The following ZNF487 variants were observed in gnomAD, a reference collection of about 807,000 sequenced individuals.
The protein encoded by ZNF487 is zinc finger protein 487.
A neutral mutation model predicts 3.0 loss-of-function variants in ZNF487; 4 were observed. That is an observed-to-expected ratio of 1.35 (90% CI 0.66 to 3.08). The LOEUF is 3.08. Ranked by LOEUF, ZNF487 falls within the 30% of genes most tolerant of loss-of-function variation. ZNF487 has a pLI of 0.01. For synonymous variants in ZNF487, 55 were observed against 34.6 expected (o/e 1.59, Z -2.06); for missense variants, 146 against 98.7 (o/e 1.48, Z -2.03).
intron 1 of ZNF487, among the ~76,000 whole-genome samples, chr10:43,447,416 A>G (rs1446216462): frequency 7.2e-5 from 11 of 151,922 alleles, no homozygotes; most frequent in Non-Finnish European, 1.5e-5. Context: ...TAATTTCTGT[A>G]TTTTTAGTAA....
chr10:43,481,958 C>T lies in ZNF487; in HGVS notation c.*36C>T, dbSNP rs1841380775. Reference sequence around the variant, plus strand: ...CATGTGAGAGCCTTTTCCGATAGACCAATATTCATTGTTCATCAGAGAACT... The same window carrying T: ...CATGTGAGAGCCTTTTCCGATAGACTAATATTCATTGTTCATCAGAGAACT... On this transcript the variant is annotated 3_prime_UTR_variant, in exon 4 of 4. Coordinates refer to ENST00000437590, the MANE Select transcript of ZNF487 (RefSeq NM_001355444.3). 3.3e-6 allele frequency: 2 copies of T among 607,962 alleles called. No homozygotes were observed. The highest frequency in any genetic ancestry group is 5.8e-6 in the Non-Finnish European group (2 of 343,568). The allele number at this position is 607,962 out of a possible 1,614,324, so 37.7% of individuals were successfully genotyped here. A position where few individuals can be genotyped will look rare whatever the true frequency, so the allele number is the denominator to read the frequency against.
chr10:43,458,626 T>G (rs1840307175), intron 1 of ZNF487, among the ~76,000 whole-genome samples: 1 of 152,000 alleles, frequency 6.6e-6, no homozygotes, highest in Non-Finnish European at 1.5e-5. Context: ...AAAAAACAGT[T>G]CTTGGCATTG....
At chr10:43,514,983 C>T in the ZNF487 span, among the ~76,000 whole-genome samples, 14 of 152,344 alleles carry the variant, frequency 9.2e-5, no homozygotes, top group East Asian at 2.5e-3. Context: ...AGCTTGCTCA[C>T]AGTGGATCAT....
At chr10:43,447,695 C>T (rs997325141) in intron 1 of ZNF487, among the ~76,000 whole-genome samples, 1 of 152,136 alleles carries the variant, frequency 6.6e-6, no homozygotes, top group Admixed American at 6.6e-5. Context: ...CAATACACTG[C>T]TGAGCTCTCA....
In ZNF487 at chr10:43,443,424, A is replaced by T. The variant is rs187170573; in HGVS notation, c.-94+6162A>T. 4.9e-3 allele frequency among the ~76,000 whole-genome samples: 704 copies of T among 144,766 alleles called. 7 individuals are homozygous for T. The highest frequency in any genetic ancestry group is 0.018 in the African/African-American group (680 of 38,792). The allele number at this position is 144,766 out of a possible 152,430, so 95.0% of individuals were successfully genotyped here. On this transcript the variant is annotated intron_variant, in intron 1 of 3. Coordinates refer to ENST00000437590, the MANE Select transcript of ZNF487 (RefSeq NM_001355444.3). ...AGTCTTGCTCTGTCACCCAGGCTGG[A>T]GTGCAATGGAGCAATCACGGCTCAC... is the stretch of plus-strand genomic sequence containing the variant.
chr10:43,458,960 T>C (rs1464843945), intron 1 of ZNF487, among the ~76,000 whole-genome samples: 1 of 152,114 alleles, frequency 6.6e-6, no homozygotes, highest in Non-Finnish European at 1.5e-5. Flanking sequence ...GGCAAGTATC[T>C]CCACATTTCC....
chr10:43,488,234 A>G, the ZNF487 span, among the ~76,000 whole-genome samples: 1 of 152,218 alleles, frequency 6.6e-6, no homozygotes, highest in Non-Finnish European at 1.5e-5. Flanking sequence ...GATAAATATC[A>G]AAATCCAAAT....
intron 1 of ZNF487, among the ~76,000 whole-genome samples, chr10:43,442,583 A>G (rs1261783441): frequency 6.6e-6 from 1 of 152,052 alleles, no homozygotes; most frequent in African/African-American, 2.4e-5. Flanking sequence ...AGCTGGGACT[A>G]CAGGCGCCTG....
chr10:43,490,344 C>A, the ZNF487 span, among the ~76,000 whole-genome samples: 2 of 151,710 alleles, frequency 1.3e-5, no homozygotes, highest in Non-Finnish European at 2.9e-5. Context: ...AGACCAAGAC[C>A]CTGCCTCAAA....
At chr10:43,510,964 A>G in the ZNF487 span, among the ~76,000 whole-genome samples, 1 of 152,104 alleles carries the variant, frequency 6.6e-6, no homozygotes, top group Non-Finnish European at 1.5e-5. Flanking sequence ...GTTCCTCCCT[A>G]TGGAACTAAG....
Position 43,482,593 on chromosome 10 carries a change from G to C in ZNF487, c.*671G>C, listed in dbSNP as rs753686776. The C allele has an allele frequency of 2.0e-6, 1 of 506,706 alleles. No individual in the cohort carries two copies. Among genetic ancestry groups the C allele is most frequent in the Non-Finnish European group, 4.0e-6 (1 of 248,330 alleles). The allele number at this position is 506,706 out of a possible 1,614,324, so 31.4% of individuals were successfully genotyped here. ...GAGAAACCCTATGGATGTAATGAATGTCAGAAAGCCTTTGGTGATAGGTCA... is the reference window on the plus strand; with the variant it reads ...GAGAAACCCTATGGATGTAATGAATCTCAGAAAGCCTTTGGTGATAGGTCA... On this transcript the variant is annotated 3_prime_UTR_variant, in exon 4 of 4. Coordinates refer to ENST00000437590, the MANE Select transcript of ZNF487 (RefSeq NM_001355444.3).
intron 3 of ZNF487, among the ~76,000 whole-genome samples, chr10:43,477,811 G>T (rs2132142282): frequency 6.6e-6 from 1 of 152,086 alleles, no homozygotes; most frequent in South Asian, 2.1e-4. Flanking sequence ...AATTAGCCGG[G>T]TGTGGTGGCG....
At chr10:43,444,389 G>A (rs1489544416) in intron 1 of ZNF487, among the ~76,000 whole-genome samples, 1 of 152,110 alleles carries the variant, frequency 6.6e-6, no homozygotes, top group African/African-American at 2.4e-5. Flanking sequence ...TCCATATCAT[G>A]TTTATTTATA....
chr10:43,473,109 C>CT (rs367584724), intron 1 of ZNF487, among the ~76,000 whole-genome samples: 12,320 of 134,642 alleles, frequency 0.092, 1,170 homozygotes, highest in African/African-American at 0.24. Flanking sequence ...TATTAGGACA[C>CT]TTTTTTTTTT....
chr10:43,513,694 G>T, the ZNF487 span, among the ~76,000 whole-genome samples: 4 of 152,202 alleles, frequency 2.6e-5, no homozygotes, highest in African/African-American at 9.7e-5. Flanking sequence ...AGTTCTGCCA[G>T]CTGCTAAGTA....
chr10:43,507,255 G>A, the ZNF487 span, among the ~76,000 whole-genome samples: 2 of 152,170 alleles, frequency 1.3e-5, no homozygotes, highest in African/African-American at 4.8e-5. Context: ...ACCATCACTG[G>A]CTACCTGGGG....
At chr10:43,510,703 A>G in the ZNF487 span, among the ~76,000 whole-genome samples, 2 of 152,082 alleles carry the variant, frequency 1.3e-5, no homozygotes, top group Admixed American at 1.3e-4. Flanking sequence ...ACATGCCACC[A>G]TGCCTGGCTA....
At chr10:43,451,539 C>T (rs1840010905) in intron 1 of ZNF487, among the ~76,000 whole-genome samples, 1 of 151,120 alleles carries the variant, frequency 6.6e-6, no homozygotes, top group African/African-American at 2.4e-5. Context: ...GCCACTGTGC[C>T]TGGCCAAAGT....
chr10:43,458,515 G>A (rs1366570976), intron 1 of ZNF487, among the ~76,000 whole-genome samples: 3 of 152,198 alleles, frequency 2.0e-5, no homozygotes, highest in Non-Finnish European at 4.4e-5. Flanking sequence ...GCCCTTAGCA[G>A]TTCCCAGCTT....
Sources: gnomAD v4.1 joint callset for allele counts (sites outside exome capture counted in the v4.1 genomes callset) on GRCh38, gnomAD v4.1.1 for gene constraint, MANE v1.5 for transcripts, NCBI Gene and HGNC (gene_info 2026-07-23, HGNC 2026-07-21) for gene names.